Variants in IL1RAPL1 observed in about 807,000 individuals in gnomAD.
The protein encoded by IL1RAPL1 is interleukin-1 receptor accessory protein-like 1.
A neutral mutation model predicts 48.4 loss-of-function variants in IL1RAPL1; 3 were observed. The observed-to-expected ratio is 0.06, with a 90% confidence interval of 0.03 to 0.16. The LOEUF (loss-of-function observed/expected upper bound fraction) is 0.16. Ranked by LOEUF, IL1RAPL1 falls within the 10% of genes least tolerant of loss-of-function variation. IL1RAPL1 has a pLI of 1.00. For synonymous variants in IL1RAPL1, 185 were observed against 187.7 expected, an observed-to-expected ratio of 0.99 and a Z score of 0.12; for missense variants, 349 against 530.6, an observed-to-expected ratio of 0.66 and a Z score of 3.36.
intron 6 of IL1RAPL1, among the ~76,000 whole-genome samples, chrX:29,889,020 T>C (rs1157961773): frequency 8.9e-6 from 1 of 112,092 alleles, no homozygotes; most frequent in Non-Finnish European, 1.9e-5. Flanking sequence ...ACTTGTTTCC[T>C]TTTTATGACT....
chrX:28,798,722 A>G (rs1936641967), intron 2 of IL1RAPL1, among the ~76,000 whole-genome samples: 1 of 112,056 alleles, frequency 8.9e-6, no homozygotes, highest in Non-Finnish European at 1.9e-5. Context: ...CCAGATGGGA[A>G]TGGAAGAGAA....
chrX:29,868,131 C>T lies in IL1RAPL1; in HGVS notation c.779-49333C>T, dbSNP rs192609205. 4.1e-4 allele frequency among the ~76,000 whole-genome samples: 46 copies of T among 112,094 alleles called. No homozygotes were observed. In the East Asian group the frequency reaches 0.012, roughly 29 times the overall value. The stretch of plus-strand genomic sequence containing the variant: ...TTTCTTTTCTAGTGAGGTTCCTCAA[C>T]GCATAATCCTATTACTTTTGGCTTG... On this transcript the variant is annotated intron_variant, in intron 6 of 10. Transcript: ENST00000378993.
intron 2 of IL1RAPL1, among the ~76,000 whole-genome samples, chrX:29,229,402 T>TA (rs1931151070): frequency 9.0e-6 from 1 of 110,745 alleles, no homozygotes; most frequent in African/African-American, 3.3e-5. Context: ...ATGATAATTT[T>TA]TAAAAAAAAA....
intron 1 of IL1RAPL1, among the ~76,000 whole-genome samples, chrX:28,785,221 C>T (rs757558904): frequency 2.6e-4 from 29 of 111,781 alleles, no homozygotes; most frequent in Middle Eastern, 4.7e-3. Context: ...ACCTCTGGGG[C>T]TTAAGTGATC....
At chrX:28,713,176 C>A (rs963882760) in intron 1 of IL1RAPL1, among the ~76,000 whole-genome samples, 10 of 110,376 alleles carry the variant, frequency 9.1e-5, no homozygotes, top group Non-Finnish European at 1.7e-4. Context: ...GCCTCAGCCT[C>A]CCGAGTAGCT....
chrX:29,885,775 C>T (rs1351784504), intron 6 of IL1RAPL1, among the ~76,000 whole-genome samples: 1 of 111,670 alleles, frequency 9.0e-6, no homozygotes, highest in African/African-American at 3.3e-5. Context: ...ACTATGAGTT[C>T]ACCACTGCAC....
At chrX:29,821,130 G>T (rs1930605143) in intron 6 of IL1RAPL1, among the ~76,000 whole-genome samples, 2 of 111,715 alleles carry the variant, frequency 1.8e-5, no homozygotes, top group African/African-American at 6.5e-5. Context: ...ATAATAATGT[G>T]ACTAATCTGG....
At chrX:29,888,688 A>T (rs1286092116) in intron 6 of IL1RAPL1, among the ~76,000 whole-genome samples, 3 of 110,558 alleles carry the variant, frequency 2.7e-5, no homozygotes, top group African/African-American at 9.8e-5. Flanking sequence ...ATTCCTCGCC[A>T]ACTATTTTCC....
At chrX:28,768,174 G>A (rs759907909) in intron 1 of IL1RAPL1, among the ~76,000 whole-genome samples, 5 of 111,443 alleles carry the variant, frequency 4.5e-5, no homozygotes, top group East Asian at 5.6e-4. Flanking sequence ...ACTCAGTTTC[G>A]TTGGAGTTCT....
At chrX:28,656,939 T>C (rs1292554852) in intron 1 of IL1RAPL1, among the ~76,000 whole-genome samples, 1 of 103,625 alleles carries the variant, frequency 9.7e-6, no homozygotes, top group Non-Finnish European at 1.9e-5. Flanking sequence ...GGCAGGAGAA[T>C]GGCATGAACC....
chrX:28,960,204 C>T (rs1406590601), intron 2 of IL1RAPL1, among the ~76,000 whole-genome samples: 2 of 111,638 alleles, frequency 1.8e-5, no homozygotes, highest in Non-Finnish European at 3.8e-5. Context: ...GCTAAAATCT[C>T]ACATGACCTC....
At chrX:29,871,976 C>T (rs944805311) in intron 6 of IL1RAPL1, among the ~76,000 whole-genome samples, 2 of 111,696 alleles carry the variant, frequency 1.8e-5, no homozygotes, top group African/African-American at 6.5e-5. Context: ...CCGCCTCAGC[C>T]TCCCAAAGTG....
chrX:29,889,838 T>G (rs1419197723), intron 6 of IL1RAPL1, among the ~76,000 whole-genome samples: 1 of 110,714 alleles, frequency 9.0e-6, no homozygotes, highest in Non-Finnish European at 1.9e-5. Context: ...CTCTTTACTC[T>G]TCATCATCTA....
intron 2 of IL1RAPL1, among the ~76,000 whole-genome samples, chrX:29,016,038 G>A (rs1926233382): frequency 9.0e-6 from 1 of 111,711 alleles, no homozygotes; most frequent in Non-Finnish European, 1.9e-5. Context: ...ATACACAGTA[G>A]ATTGTGATAA....
At chrX:29,283,889 A>G (rs901356265) in intron 3 of IL1RAPL1, among the ~76,000 whole-genome samples, 8 of 112,773 alleles carry the variant, frequency 7.1e-5, no homozygotes, top group African/African-American at 2.6e-4. Flanking sequence ...AAGATAATGC[A>G]TTGAAGCAAT....
intron 5 of IL1RAPL1, among the ~76,000 whole-genome samples, chrX:29,484,248 T>C (rs1412337647): frequency 9.0e-6 from 1 of 111,659 alleles, no homozygotes; most frequent in East Asian, 2.8e-4. Flanking sequence ...AGCATAGTGC[T>C]GGCATCTGGT....
At chrX:29,036,001 C>T (rs1926724247) in intron 2 of IL1RAPL1, among the ~76,000 whole-genome samples, 2 of 112,023 alleles carry the variant, frequency 1.8e-5, no homozygotes, top group East Asian at 2.8e-4. Flanking sequence ...CCAAATTTCT[C>T]ATCCAGATTC....
chrX:29,640,802 T>C (rs1360774551), intron 5 of IL1RAPL1, among the ~76,000 whole-genome samples: 1 of 112,241 alleles, frequency 8.9e-6, no homozygotes, highest in African/African-American at 3.2e-5. Context: ...CTTTTCCCAA[T>C]AGTGTACTTT....
intron 2 of IL1RAPL1, among the ~76,000 whole-genome samples, chrX:28,838,187 G>C (rs1424452093): frequency 3.6e-5 from 4 of 111,180 alleles, no homozygotes; most frequent in Non-Finnish European, 1.9e-5. Context: ...ACTGGAAGGA[G>C]TCTTAGAATC....
Sources: allele counts gnomAD v4.1 joint callset (sites outside exome capture counted in the v4.1 genomes callset), GRCh38; gene constraint gnomAD v4.1.1; transcripts MANE v1.5; gene names NCBI Gene and HGNC (gene_info 2026-07-23, HGNC 2026-07-21).